The following ZNF267 variants were observed in gnomAD, a reference collection of about 807,000 sequenced individuals.
The protein encoded by ZNF267 is zinc finger protein 267.
Under a neutral mutation model 71.6 loss-of-function variants are expected in ZNF267, and 61 were observed. That is an observed-to-expected ratio of 0.85 (90% CI 0.69 to 1.05). The LOEUF is 1.05. Ranked by LOEUF, ZNF267 falls within the 50% of genes least tolerant of loss-of-function variation. The pLI is 0.00. For missense variants in ZNF267, 852 were observed against 870.0 expected (o/e 0.98, Z 0.26); for synonymous variants, 288 against 293.2 (o/e 0.98, Z 0.18).
At chr16:31,878,465 A>G (rs1057112943) in intron 1 of ZNF267, among the ~76,000 whole-genome samples, 6 of 152,150 alleles carry the variant, frequency 3.9e-5, no homozygotes, top group Non-Finnish European at 8.8e-5. Context: ...TTGCACCCAC[A>G]GCACCTTTGC....
chr16:31,895,886 G>C (rs2083994609), intron 3 of ZNF267, among the ~76,000 whole-genome samples: 1 of 152,056 alleles, frequency 6.6e-6, no homozygotes, highest in African/African-American at 2.4e-5. Context: ...CTTTTCATAT[G>C]TATAGTTTGC....
intron 3 of ZNF267, among the ~76,000 whole-genome samples, chr16:31,900,052 C>CACAT (rs2084027289): frequency 6.6e-6 from 1 of 151,274 alleles, no homozygotes; most frequent in Non-Finnish European, 1.5e-5. Context: ...TATATATAAA[C>CACAT]TGTGTGTGTA....
intron 3 of ZNF267, among the ~76,000 whole-genome samples, chr16:31,897,228 A>G (rs2084006424): frequency 6.6e-6 from 1 of 152,024 alleles, no homozygotes; most frequent in Admixed American, 6.5e-5. Flanking sequence ...ATAAAATTTC[A>G]TAATTCCATT....
intron 3 of ZNF267, chr16:31,894,738 G>T (rs2083985083): frequency 2.1e-6 from 1 of 485,220 alleles, no homozygotes; most frequent in Non-Finnish European, 4.1e-6. Flanking sequence ...ATAGTAGCCT[G>T]GTGGTGTTCC....
chr16:31,900,627 G>A (rs964311134), intron 3 of ZNF267, among the ~76,000 whole-genome samples: 1 of 151,820 alleles, frequency 6.6e-6, no homozygotes, highest in African/African-American at 2.4e-5. Context: ...TGTATTTTTA[G>A]TAGAGATGGG....
intron 1 of ZNF267, among the ~76,000 whole-genome samples, chr16:31,884,014 G>A (rs1271321557): frequency 6.6e-6 from 1 of 152,074 alleles, no homozygotes; most frequent in Non-Finnish European, 1.5e-5. Flanking sequence ...ACTCCAGCCT[G>A]GGTGGCAGAG....
chr16:31,899,082 TAATG>T (rs1283494201), intron 3 of ZNF267, among the ~76,000 whole-genome samples: 1 of 152,108 alleles, frequency 6.6e-6, no homozygotes, highest in Non-Finnish European at 1.5e-5. Context: ...CACACAATAA[TAATG>T]GGAGACTTTA....
At chr16:31,888,112 A>T (rs28833563) in intron 3 of ZNF267, among the ~76,000 whole-genome samples, 8 of 147,848 alleles carry the variant, frequency 5.4e-5, no homozygotes, top group Non-Finnish European at 1.0e-4. Context: ...TATAAAATTT[A>T]AAAAAAATTT....
At chr16:31,896,549 C>T (rs534183236) in intron 3 of ZNF267, among the ~76,000 whole-genome samples, 7 of 152,164 alleles carry the variant, frequency 4.6e-5, no homozygotes, top group African/African-American at 1.7e-4. Flanking sequence ...TGTCTTTTCC[C>T]CAAAGTGTAT....
intron 3 of ZNF267, among the ~76,000 whole-genome samples, chr16:31,908,297 A>C (rs2084108119): frequency 6.6e-6 from 1 of 152,150 alleles, no homozygotes; most frequent in Non-Finnish European, 1.5e-5. Flanking sequence ...TATTCTGATT[A>C]TTGATCCTTT....
intron 3 of ZNF267, among the ~76,000 whole-genome samples, chr16:31,906,907 C>T (rs1274711104): frequency 2.0e-5 from 3 of 151,988 alleles, no homozygotes; most frequent in Non-Finnish European, 4.4e-5. Context: ...TTCCTATTGG[C>T]CATCTTGGCT....
chr16:31,913,621 G>A (rs2084150982), intron 3 of ZNF267: 1 of 152,176 alleles, frequency 6.6e-6, no homozygotes, highest in South Asian at 2.1e-4. Flanking sequence ...TTTATCTCGT[G>A]TTCTATTCTA....
Position 31,915,420 on chromosome 16 carries a change from C to G in ZNF267, c.1171C>G (p.Arg391Gly). 6.2e-7 allele frequency: 1 copy of G among 1,613,616 alleles called. No individual in the cohort carries two copies. The highest frequency in any genetic ancestry group is 8.5e-7 in the Non-Finnish European group (1 of 1,179,828). The change falls in exon 4 of 4, where the codon CGT becomes GGT. Residue 391 changes from arginine to glycine, a missense_variant. Transcript: ENST00000300870. ...TAAAGCATGTAGCAAATCTTTTACT[C>G]GTTCCTCCAATCTTATTGTGCATCA... is the stretch of plus-strand genomic sequence containing the variant. Reference protein sequence around the residue: ...KCKACSKSFTRSSNLIVHQRI... With the variant: ...KCKACSKSFTGSSNLIVHQRI...
At chr16:31,910,700 A>G (rs975045300) in intron 3 of ZNF267, among the ~76,000 whole-genome samples, 2 of 150,644 alleles carry the variant, frequency 1.3e-5, no homozygotes, top group African/African-American at 4.9e-5. Flanking sequence ...TTTTCATTTC[A>G]TTGATTTTTT....
At chr16:31,886,706 T>G (rs550835703) in intron 3 of ZNF267, among the ~76,000 whole-genome samples, 22 of 152,338 alleles carry the variant, frequency 1.4e-4, no homozygotes, top group African/African-American at 5.3e-4. Context: ...TAAATGAAAG[T>G]TTGTACTTGT....
chr16:31,874,098 G>A lies in ZNF267; in HGVS notation c.3+129G>A, dbSNP rs2083834556. 7.7e-6 allele frequency: 8 copies of A among 1,036,324 alleles called. No individual in the cohort carries two copies. In the South Asian group the frequency reaches 1.1e-4, roughly 14 times the overall value. 64.2% of individuals were successfully genotyped at this position (1,036,324 alleles called of 1,614,324 possible). ...GGGTCTGGGCCCCGAGTCCCAACTGGTGCAGCTCGGCCCTCGGTCCCCTCC... is the reference window on the plus strand; with the variant it reads ...GGGTCTGGGCCCCGAGTCCCAACTGATGCAGCTCGGCCCTCGGTCCCCTCC... On this transcript the variant is annotated intron_variant, in intron 1 of 3. Coordinates refer to ENST00000300870, the MANE Select transcript of ZNF267 (RefSeq NM_003414.6).
intron 3 of ZNF267, among the ~76,000 whole-genome samples, chr16:31,891,264 A>G (rs1353955811): frequency 6.6e-6 from 1 of 152,140 alleles, no homozygotes; most frequent in African/African-American, 2.4e-5. Context: ...GTTATACTTT[A>G]TAACTTTTTA....
Position 31,914,556 on chromosome 16 carries a change from C to T in ZNF267, c.307C>T (p.His103Tyr). 1 of 1,614,028 alleles carries T rather than the reference C, an allele frequency of 6.2e-7. No individual in the cohort carries two copies. Among genetic ancestry groups the T allele is most frequent in the Non-Finnish European group, 8.5e-7 (1 of 1,179,992 alleles). ...ATTCCAAAAAGTGATATCGAGGAGA[C>T]ATGGGAGCTGTGATCTTGAGAATTT... ...ASFQKVISRRHGSCDLENLHL... is the reference protein window; with the variant it reads ...ASFQKVISRRYGSCDLENLHL... Residue 103 changes from histidine (H) to tyrosine (Y), a missense_variant, in exon 4 of 4, where the codon CAT becomes TAT. His to Tyr is a moderately conservative substitution (Grantham distance 83). Coordinates refer to ENST00000300870, the MANE Select transcript of ZNF267 (RefSeq NM_003414.6).
At chr16:31,904,200 C>T (rs2084067286) in intron 3 of ZNF267, among the ~76,000 whole-genome samples, 1 of 152,188 alleles carries the variant, frequency 6.6e-6, no homozygotes, top group African/African-American at 2.4e-5. Context: ...GAGTGCTTTA[C>T]TTCCAACTAT....
Sources: allele counts gnomAD v4.1 joint callset (sites outside exome capture counted in the v4.1 genomes callset), GRCh38; gene constraint gnomAD v4.1.1; transcripts MANE v1.5; gene names NCBI Gene and HGNC (gene_info 2026-07-23, HGNC 2026-07-21).